EPHA3: variants seen among roughly 807,000 people sequenced by gnomAD.
The protein encoded by EPHA3 is ephrin type-A receptor 3.
EPHA3 carries 42 observed loss-of-function variants against 107.1 expected under a neutral mutation model. That is an observed-to-expected ratio of 0.39 (90% CI 0.31 to 0.51). The LOEUF (loss-of-function observed/expected upper bound fraction) is 0.51, where lower values mean the gene tolerates loss of function less well. EPHA3 is among the 20% of genes least tolerant of loss of function. The pLI is 0.78. For synonymous variants in EPHA3, 461 were observed against 424.8 expected (o/e 1.09, Z -1.05); for missense variants, 1,183 against 1,211.2 (o/e 0.98, Z 0.35).
intron 5 of EPHA3, among the ~76,000 whole-genome samples, chr3:89,379,108 C>A (rs1708453939): frequency 6.6e-6 from 1 of 152,186 alleles, no homozygotes; most frequent in Non-Finnish European, 1.5e-5. Flanking sequence ...TCTGTCTCTG[C>A]AATTTCCCCT....
intron 3 of EPHA3, among the ~76,000 whole-genome samples, chr3:89,228,760 T>C (rs1704558297): frequency 6.6e-6 from 1 of 151,884 alleles, no homozygotes; most frequent in South Asian, 2.1e-4. Flanking sequence ...GACGTATGAA[T>C]GGAAACATAC....
At chr3:89,204,993 A>G (rs1706065706) in intron 2 of EPHA3, among the ~76,000 whole-genome samples, 2 of 152,222 alleles carry the variant, frequency 1.3e-5, no homozygotes, top group Admixed American at 6.5e-5. Flanking sequence ...AACCATTGAA[A>G]TGCAAAAATA....
intron 1 of EPHA3, among the ~76,000 whole-genome samples, chr3:89,110,464 T>C (rs1407756119): frequency 2.0e-5 from 3 of 151,992 alleles, no homozygotes; most frequent in African/African-American, 7.2e-5. Flanking sequence ...CTTCTATTAA[T>C]GTATTTACAA....
chr3:89,247,775 T>G (rs1377233217), intron 3 of EPHA3, among the ~76,000 whole-genome samples: 1 of 152,068 alleles, frequency 6.6e-6, no homozygotes, highest in Admixed American at 6.5e-5. Flanking sequence ...GTCTAAATTT[T>G]ATTGTAAAAG....
At chr3:89,271,140 C>A (rs138503959) in intron 3 of EPHA3, among the ~76,000 whole-genome samples, 2,619 of 152,012 alleles carry the variant, frequency 0.017, 52 homozygotes, top group Non-Finnish European at 0.021. Context: ...AGCATTGAGA[C>A]AAAACATCTG....
chr3:89,228,969 A>G (rs1031886141), intron 3 of EPHA3, among the ~76,000 whole-genome samples: 16 of 151,964 alleles, frequency 1.1e-4, no homozygotes, highest in African/African-American at 3.9e-4. Context: ...AACATGTGTG[A>G]GAATTTGACT....
At position 89,324,910 on chromosome 3, in the gene EPHA3, G is replaced by A. The variant is rs148664859; in HGVS notation, c.815-16006G>A. On this transcript the variant is annotated intron_variant, in intron 3 of 16. Coordinates refer to ENST00000336596, the MANE Select transcript of EPHA3 (RefSeq NM_005233.6). ...ATTGTAGCCATCTTTATATTTGCGA[G>A]TACCCAGTATTTAGCTCTCAGTTAT... is the stretch of plus-strand genomic sequence containing the variant. 9.7e-3 allele frequency among the ~76,000 whole-genome samples: 1,479 copies of A among 152,184 alleles called. 14 individuals carry two copies. The highest frequency in any genetic ancestry group is 0.017 in the Admixed American group (253 of 15,266).
intron 3 of EPHA3, among the ~76,000 whole-genome samples, chr3:89,235,051 CTCTT>C (rs1036821138): frequency 7.1e-6 from 1 of 140,336 alleles, no homozygotes; most frequent in African/African-American, 2.7e-5. Flanking sequence ...CCCTCTCTCC[CTCTT>C]TCTTTCTTTC....
chr3:89,356,805 C>A (rs1387553522), intron 5 of EPHA3, among the ~76,000 whole-genome samples: 1 of 150,468 alleles, frequency 6.6e-6, no homozygotes, highest in East Asian at 2.0e-4. Context: ...GAACAAGAAC[C>A]AAAGGCACAC....
At position 89,197,624 on chromosome 3, in the gene EPHA3, T is replaced by C. The variant is rs181093765; in HGVS notation, c.154-12236T>C. On this transcript the variant is annotated intron_variant, in intron 2 of 16. Transcript: ENST00000336596. ...AAGTGTGGAATACTATTGGCAAAGATTTTATTCCAGTTTAGAAGGGCAAAT... is the reference window on the plus strand; with the variant it reads ...AAGTGTGGAATACTATTGGCAAAGACTTTATTCCAGTTTAGAAGGGCAAAT... 3.3e-3 allele frequency among the ~76,000 whole-genome samples: 495 copies of C among 152,250 alleles called. 3 individuals are homozygous for C. Among genetic ancestry groups the C allele is most frequent in the Middle Eastern group, 0.031 (9 of 294 alleles).
At chr3:89,238,077 A>C (rs1576255478) in intron 3 of EPHA3, among the ~76,000 whole-genome samples, 2 of 152,314 alleles carry the variant, frequency 1.3e-5, no homozygotes, top group South Asian at 4.1e-4. Flanking sequence ...TCGAATTCCA[A>C]GGCAGAATTT....
chr3:89,111,512 C>CCG (rs1707108048), intron 1 of EPHA3, among the ~76,000 whole-genome samples: 1 of 133,414 alleles, frequency 7.5e-6, no homozygotes, highest in Admixed American at 8.8e-5. Context: ...CCTACATCCC[C>CCG]CCCCCACCCC....
intron 8 of EPHA3, among the ~76,000 whole-genome samples, chr3:89,407,679 A>C (rs1709081337): frequency 6.6e-6 from 1 of 152,110 alleles, no homozygotes; most frequent in African/African-American, 2.4e-5. Flanking sequence ...AAATAACCCC[A>C]GATTTCCTTG....
At chr3:89,445,361 G>C (rs986059795) in intron 13 of EPHA3, among the ~76,000 whole-genome samples, 1 of 151,886 alleles carries the variant, frequency 6.6e-6, no homozygotes, top group East Asian at 1.9e-4. Flanking sequence ...GAGTTGTTTG[G>C]ATATCATATA....
At chr3:89,268,220 T>C (rs1705583783) in intron 3 of EPHA3, among the ~76,000 whole-genome samples, 2 of 151,952 alleles carry the variant, frequency 1.3e-5, no homozygotes, top group Non-Finnish European at 2.9e-5. Context: ...TAGCACAGGG[T>C]GGTGTTTGAG....
Position 89,219,688 on chromosome 3 carries a change from G to GTGTTTTTTTTTTT in EPHA3, c.814+9169_814+9170insGTTTTTTTTTTTT. Among the ~76,000 whole-genome samples the GTGTTTTTTTTTTT allele has an allele frequency of 5.4e-3, 186 of 34,442 alleles. 65 individuals are homozygous for GTGTTTTTTTTTTT. Among genetic ancestry groups the GTGTTTTTTTTTTT allele is most frequent in the Non-Finnish European group, 8.5e-3 (163 of 19,126 alleles). 22.6% of individuals were successfully genotyped at this position (34,442 alleles called of 152,430 possible). A position where few individuals can be genotyped will look rare whatever the true frequency, so the allele number is the denominator to read the frequency against. On this transcript the variant is annotated intron_variant, in intron 3 of 16. Transcript: ENST00000336596. The stretch of plus-strand genomic sequence containing the variant: ...TTACCTCCAAGAGGCATTTGGCAAT[G>GTGTTTTTTTTTTT]TTTTTTTTTTTTTTGTTTTTTGTTT...
intron 16 of EPHA3, among the ~76,000 whole-genome samples, chr3:89,473,390 A>G (rs1482413827): frequency 6.6e-6 from 1 of 152,206 alleles, no homozygotes; most frequent in Non-Finnish European, 1.5e-5. Context: ...GGTGGTATAT[A>G]AAGAATCAAG....
At chr3:89,242,579 G>A (rs62278162) in intron 3 of EPHA3, among the ~76,000 whole-genome samples, 2,013 of 151,630 alleles carry the variant, frequency 0.013, 25 homozygotes, top group Non-Finnish European at 0.017. Flanking sequence ...CTGGGACTAC[G>A]GGCGCCCACC....
intron 2 of EPHA3, among the ~76,000 whole-genome samples, chr3:89,130,896 A>C (rs1164907895): frequency 6.6e-6 from 1 of 152,156 alleles, no homozygotes; most frequent in African/African-American, 2.4e-5. Context: ...TTGGCCTCCC[A>C]AAATGTTGGG....
Sources: allele counts gnomAD v4.1 joint callset (sites outside exome capture counted in the v4.1 genomes callset), GRCh38; gene constraint gnomAD v4.1.1; transcripts MANE v1.5; gene names NCBI Gene and HGNC (gene_info 2026-07-23, HGNC 2026-07-21).